Variants in CAP1 observed in about 807,000 individuals in gnomAD.
CAP1 encodes the protein adenylyl cyclase-associated protein 1.
Under a neutral mutation model 58.2 loss-of-function variants are expected in CAP1, and 11 were observed. That is an observed-to-expected ratio of 0.19 (90% CI 0.12 to 0.31). CAP1 has a LOEUF of 0.31. CAP1 is among the 10% of genes least tolerant of loss of function. The pLI, the probability that CAP1 is intolerant of heterozygous loss-of-function variation, is 1.00. For missense variants in CAP1, 423 were observed against 587.5 expected, an observed-to-expected ratio of 0.72 and a Z score of 2.89; for synonymous variants, 183 against 213.8, an observed-to-expected ratio of 0.86 and a Z score of 1.26.
intron 1 of CAP1, among the ~76,000 whole-genome samples, chr1:40,058,820 C>G (rs1420681768): frequency 6.6e-6 from 1 of 152,114 alleles, no homozygotes; most frequent in Non-Finnish European, 1.5e-5. Flanking sequence ...AAAAAACACA[C>G]TGAACTTAGA....
At chr1:40,049,470 C>A (rs1262702181) in intron 1 of CAP1, among the ~76,000 whole-genome samples, 1 of 151,996 alleles carries the variant, frequency 6.6e-6, no homozygotes, top group Non-Finnish European at 1.5e-5. Context: ...CTCAGCCTCC[C>A]TAAGTGCTGA....
intron 1 of CAP1, among the ~76,000 whole-genome samples, chr1:40,056,688 C>A (rs1356723359): frequency 6.6e-6 from 1 of 151,868 alleles, no homozygotes; most frequent in Non-Finnish European, 1.5e-5. Context: ...ATGGTGGTAC[C>A]ACCTCGCAAA....
chr1:40,071,374 G>T (rs1016312113), intron 12 of CAP1, 76 bp from the exon 13 acceptor site: 35 of 1,032,500 alleles, frequency 3.4e-5, no homozygotes, highest in Non-Finnish European at 4.9e-5. Context: ...AGCAAGCATT[G>T]GGAGAAATGT....
chr1:40,047,874 A>C (rs1331364290), intron 1 of CAP1, among the ~76,000 whole-genome samples: 1 of 152,158 alleles, frequency 6.6e-6, no homozygotes, highest in Non-Finnish European at 1.5e-5. Flanking sequence ...AGGGAACAGG[A>C]GACAGGTGTT....
chr1:40,060,026 T>A (rs748145055), intron 2 of CAP1, 41 bp from the exon 3 acceptor site: 1 of 1,534,052 alleles, frequency 6.5e-7, no homozygotes, highest in South Asian at 1.1e-5. Flanking sequence ...GAAGCCTCCT[T>A]CTGATGCATG....
intron 4 of CAP1, among the ~76,000 whole-genome samples, chr1:40,063,538 TC>T (rs1455002724): frequency 1.3e-5 from 2 of 152,178 alleles, no homozygotes; most frequent in Non-Finnish European, 2.9e-5. Flanking sequence ...TGTCTTGAAC[TC>T]CTGGTCTCAA....
Position 40,070,150 on chromosome 1 carries a change from C to A in CAP1, c.994-9C>A, listed in dbSNP as rs1199331587. 1 of 1,613,868 alleles carries A rather than the reference C, an allele frequency of 6.2e-7. No individual in the cohort carries two copies. The highest frequency in any genetic ancestry group is 1.7e-5 in the Admixed American group (1 of 60,010). ...TTGTGATGAGAATCCTGGGATCTCT[C>A]TCTAACAGGAAAATCAGGAAAATGT... On this transcript the variant is annotated splice_polypyrimidine_tract_variant and intron_variant, in intron 9 of 12. Coordinates refer to ENST00000372805, the MANE Select transcript of CAP1 (RefSeq NM_006367.4).
chr1:40,071,559 C>G lies in CAP1; in HGVS notation c.*26C>G, dbSNP rs1203109982. 2 of 1,397,182 alleles carry G rather than the reference C, an allele frequency of 1.4e-6. No individual in the cohort carries two copies. Among genetic ancestry groups the G allele is most frequent in the Non-Finnish European group, 1.0e-6 (1 of 983,496 alleles). 86.5% of individuals were successfully genotyped at this position (1,397,182 alleles called of 1,614,324 possible). ...GCGAAGTGCCACTGGGTTCTTTGCCCTCCCTTCACACCATGGGATAAATCT... is the reference window on the plus strand; with the variant it reads ...GCGAAGTGCCACTGGGTTCTTTGCCGTCCCTTCACACCATGGGATAAATCT... On this transcript the variant is annotated 3_prime_UTR_variant, in exon 13 of 13. Coordinates refer to ENST00000372805, the MANE Select transcript of CAP1 (RefSeq NM_006367.4).
chr1:40,063,960 C>T (rs1180131764), intron 4 of CAP1, among the ~76,000 whole-genome samples: 2 of 152,172 alleles, frequency 1.3e-5, no homozygotes, highest in Non-Finnish European at 2.9e-5. Context: ...AAAAAAGAGA[C>T]AGGTGGCTGA....
At chr1:40,044,109 A>G (rs1159192154) in intron 1 of CAP1, among the ~76,000 whole-genome samples, 1 of 152,170 alleles carries the variant, frequency 6.6e-6, no homozygotes, top group Non-Finnish European at 1.5e-5. Context: ...TTTCCAACCT[A>G]GGGATGATCT....
rs1200626697 is a variant in CAP1, at chr1:40,060,080, A to G, written c.126A>G (p.Pro42=). Residue 42 remains proline, a synonymous_variant, in exon 3 of 13, where the codon CCA becomes CCG. Transcript: ENST00000372805. The stretch of plus-strand genomic sequence containing the variant: ...GTTTGTCTTTAGCAGGAGCAGCTCC[A>G]TATGTGCAGGCATTTGACTCGCTGC... ...ADSPSKAGAA[P]YVQAFDSLLA... 3 of 1,613,274 alleles carry G rather than the reference A, an allele frequency of 1.9e-6. No homozygotes were observed. Among genetic ancestry groups the G allele is most frequent in the African/African-American group, 1.3e-5 (1 of 75,040 alleles).
In CAP1 at chr1:40,050,103, G is replaced by A. The variant is rs1296667099; in HGVS notation, c.-10-9234G>A. ...CCATCACTGAAGGTGTTTGAGCAGA[G>A]GCTGCCTGACTAATTGCTAATTGAA... On this transcript the variant is annotated intron_variant, in intron 1 of 12. Coordinates refer to ENST00000372805, the MANE Select transcript of CAP1 (RefSeq NM_006367.4). Among the ~76,000 whole-genome samples, 3 of 152,078 alleles carry A rather than the reference G, an allele frequency of 2.0e-5. No individual in the cohort carries two copies. The East Asian group carries it at 5.8e-4, about 29-fold the overall frequency.
intron 4 of CAP1, among the ~76,000 whole-genome samples, chr1:40,062,662 G>A (rs1489783634): frequency 6.6e-6 from 1 of 152,114 alleles, no homozygotes; most frequent in Non-Finnish European, 1.5e-5. Flanking sequence ...CTACTTGAGA[G>A]GCTGAAATGG....
rs773590992 is a variant in CAP1 at position 40,070,550 on chromosome 1, G to A, written c.1200+38G>A. 3.4e-6 allele frequency: 5 copies of A among 1,490,840 alleles called. No individual in the cohort carries two copies. In the South Asian group the frequency reaches 5.6e-5, roughly 17 times the overall value. 92.4% of individuals were successfully genotyped at this position (1,490,840 alleles called of 1,614,324 possible). ...TTTGGCTCCTTCTTTTTGTCCCTGA[G>A]GAATTAATTCAAAGAGACATGGTAG... On this transcript the variant is annotated intron_variant, in intron 11 of 12. Transcript: ENST00000372805.
chr1:40,050,993 A>G (rs886996524), intron 1 of CAP1, among the ~76,000 whole-genome samples: 11 of 152,234 alleles, frequency 7.2e-5, no homozygotes, highest in Admixed American at 2.0e-4. Flanking sequence ...CATTTTCTGT[A>G]CATAGCCTGC....
chr1:40,068,894 G>A (rs980301152), intron 8 of CAP1, among the ~76,000 whole-genome samples: 1 of 151,822 alleles, frequency 6.6e-6, no homozygotes, highest in African/African-American at 2.4e-5. Context: ...GTGCAGTGGC[G>A]TGATCTTGGC....
intron 1 of CAP1, among the ~76,000 whole-genome samples, chr1:40,044,415 A>G (rs1236008073): frequency 2.0e-5 from 3 of 152,188 alleles, no homozygotes; most frequent in Non-Finnish European, 2.9e-5. Flanking sequence ...AGTGATTATT[A>G]CTTTGAAATG....
chr1:40,047,520 AC>A (rs1646160638), intron 1 of CAP1, among the ~76,000 whole-genome samples: 18 of 152,172 alleles, frequency 1.2e-4, no homozygotes, highest in Admixed American at 1.2e-3. Flanking sequence ...CCATATTCCT[AC>A]TTGTAGATGA....
Position 40,043,737 on chromosome 1 carries a change from C to T in CAP1, c.-11+2936C>T, listed in dbSNP as rs112089734. On this transcript the variant is annotated intron_variant, in intron 1 of 12. Coordinates refer to ENST00000372805, the MANE Select transcript of CAP1 (RefSeq NM_006367.4). Reference sequence around the variant, plus strand: ...ACTAAAAATACAAAAATTAGCTGGGCGTGGTTGTGCATGCCTGTAGTCCCA... The same window carrying T: ...ACTAAAAATACAAAAATTAGCTGGGTGTGGTTGTGCATGCCTGTAGTCCCA... Among the ~76,000 whole-genome samples the T allele has an allele frequency of 7.1e-3, 1,079 of 152,062 alleles. 10 individuals carry two copies. Among genetic ancestry groups the T allele is most frequent in the African/African-American group, 0.025 (1,039 of 41,496 alleles).
Sources: allele counts gnomAD v4.1 joint callset (sites outside exome capture counted in the v4.1 genomes callset), GRCh38; gene constraint gnomAD v4.1.1; transcripts MANE v1.5; gene names NCBI Gene and HGNC (gene_info 2026-07-23, HGNC 2026-07-21).